HS1BP3: variants seen among roughly 807,000 people sequenced by gnomAD.
HS1BP3 encodes the protein HCLS1 binding protein 3, also known as HCLS1-binding protein 3.
Under a neutral mutation model 33.5 loss-of-function variants are expected in HS1BP3, and 32 were observed. That is an observed-to-expected ratio of 0.95 (90% CI 0.72 to 1.28). The LOEUF (loss-of-function observed/expected upper bound fraction) is 1.28. Ranked by LOEUF, HS1BP3 falls within the 50% of genes most tolerant of loss-of-function variation. The pLI, the probability that HS1BP3 is intolerant of heterozygous loss-of-function variation, is 0.00. For synonymous variants in HS1BP3, 187 were observed against 209.2 expected, an observed-to-expected ratio of 0.89 and a Z score of 0.92; for missense variants, 486 against 502.3, an observed-to-expected ratio of 0.97 and a Z score of 0.31.
At chr2:20,622,596 T>A (rs1278073575) in intron 6 of HS1BP3, 8 of 324,526 alleles carry the variant, frequency 2.5e-5, no homozygotes, top group Non-Finnish European at 5.0e-5. Context: ...CACCCCACTG[T>A]ACCACGTTCT....
intron 5 of HS1BP3, among the ~76,000 whole-genome samples, chr2:20,561,744 GGCACACT>G (rs1461979986): frequency 6.6e-6 from 1 of 152,116 alleles, no homozygotes; most frequent in Non-Finnish European, 1.5e-5. Flanking sequence ...CTTGGTTTCT[GGCACACT>G]GCTCCTTAAA....
chr2:20,624,964 C>G (rs538001286), intron 4 of HS1BP3, 72 bp from the exon 5 acceptor site: 2 of 1,554,954 alleles, frequency 1.3e-6, no homozygotes, highest in African/African-American at 2.7e-5. Context: ...CAGACCGACA[C>G]AGGCGCTGGG....
chr2:20,601,938 G>T (rs557579862), intron 2 of HS1BP3, among the ~76,000 whole-genome samples: 3 of 151,566 alleles, frequency 2.0e-5, no homozygotes, highest in Middle Eastern at 6.8e-3. Flanking sequence ...GGGCAGTTGG[G>T]AGTTATTGAA....
downstream of HS1BP3, among the ~76,000 whole-genome samples, chr2:20,559,512 AGATGGATGGGTG>A (rs1692927085): frequency 6.8e-6 from 1 of 147,666 alleles, no homozygotes; most frequent in African/African-American, 2.6e-5. Context: ...ATGGATGGGT[AGATGGATGGGTG>A]GATGGATGGA....
intron 1 of HS1BP3, among the ~76,000 whole-genome samples, chr2:20,646,859 C>T (rs754328381): frequency 6.6e-5 from 10 of 152,314 alleles, no homozygotes; most frequent in African/African-American, 1.4e-4. Flanking sequence ...TGCAACCCTG[C>T]GAAGGAGCTC....
At chr2:20,566,632 G>A (rs1809132) in intron 5 of HS1BP3, among the ~76,000 whole-genome samples, 100,713 of 149,512 alleles carry the variant, frequency 0.67, 38,955 homozygotes, top group East Asian at 0.9. Context: ...TTGAGATGGA[G>A]TTTTGCTCTT....
chr2:20,616,738 C>T (rs1047598975), downstream of HS1BP3, among the ~76,000 whole-genome samples: 1 of 152,066 alleles, frequency 6.6e-6, no homozygotes, highest in Non-Finnish European at 1.5e-5. Context: ...CTGGCTGAGT[C>T]CATTGTTTTA....
At chr2:20,589,483 C>T (rs17718518), downstream of HS1BP3, among the ~76,000 whole-genome samples, 7,561 of 152,234 alleles carry the variant, frequency 0.05, 180 homozygotes, top group South Asian at 0.071. Flanking sequence ...TAGAGGCTGC[C>T]GATGAAGAGA....
chr2:20,561,135 G>A (rs1454524439), intron 5 of HS1BP3, among the ~76,000 whole-genome samples: 1 of 152,150 alleles, frequency 6.6e-6, no homozygotes, highest in African/African-American at 2.4e-5. Flanking sequence ...CCTTTGCCTG[G>A]TGGTTTGCTT....
chr2:20,646,747 G>A (rs1435819027), intron 1 of HS1BP3, among the ~76,000 whole-genome samples: 1 of 152,238 alleles, frequency 6.6e-6, no homozygotes, highest in Non-Finnish European at 1.5e-5. Context: ...TGTCACCCAC[G>A]GTGTCACTGC....
rs78473886 is a variant in HS1BP3, at chr2:20,632,727, C to A, written c.623+5709G>T. ...TATCTCTCAAGGAACCAAGCAACCACTGAATCCCACTAAGGATTCAGGTAA... is the reference window on the plus strand; with the variant it reads ...TATCTCTCAAGGAACCAAGCAACCAATGAATCCCACTAAGGATTCAGGTAA... On this transcript the variant is annotated intron_variant, in intron 4 of 6. Coordinates refer to ENST00000304031, the MANE Select transcript of HS1BP3 (RefSeq NM_022460.4). Among the ~76,000 whole-genome samples the A allele has an allele frequency of 3.6e-3, 551 of 152,328 alleles. 6 individuals carry two copies. Among genetic ancestry groups the A allele is most frequent in the African/African-American group, 0.013 (539 of 41,572 alleles).
At chr2:20,601,933 G>T (rs1375484961) in intron 2 of HS1BP3, among the ~76,000 whole-genome samples, 3 of 151,704 alleles carry the variant, frequency 2.0e-5, no homozygotes, top group Non-Finnish European at 4.4e-5. Context: ...TATCAGGGCA[G>T]TTGGGAGTTA....
chr2:20,577,709 C>T (rs919705121), intron 5 of HS1BP3, among the ~76,000 whole-genome samples: 3 of 152,134 alleles, frequency 2.0e-5, no homozygotes, highest in African/African-American at 4.8e-5. Flanking sequence ...CAACTCAGGC[C>T]GGGTGCATGA....
At chr2:20,562,341 T>C (rs2149269676) in intron 5 of HS1BP3, among the ~76,000 whole-genome samples, 1 of 152,122 alleles carries the variant, frequency 6.6e-6, no homozygotes, top group Admixed American at 6.5e-5. Context: ...TAGCCAGCTG[T>C]GGTAGCATGT....
At chr2:20,616,059 T>C (rs1694417804), downstream of HS1BP3, among the ~76,000 whole-genome samples, 1 of 152,198 alleles carries the variant, frequency 6.6e-6, no homozygotes, top group Non-Finnish European at 1.5e-5. Context: ...ACCCCAGCCA[T>C]AGACAGTACA....
chr2:20,590,352 C>T (rs184963152), downstream of HS1BP3, among the ~76,000 whole-genome samples: 1 of 152,314 alleles, frequency 6.6e-6, no homozygotes, highest in East Asian at 1.9e-4. Flanking sequence ...TGTGGGGCAT[C>T]CTCTGTTTGT....
downstream of HS1BP3, among the ~76,000 whole-genome samples, chr2:20,615,891 T>C (rs143327557): frequency 7.9e-5 from 12 of 152,312 alleles, no homozygotes; most frequent in East Asian, 2.1e-3. Context: ...ATACATTGTA[T>C]GGACGTGGTC....
At chr2:20,624,070 C>G (rs1240942488) in intron 5 of HS1BP3, 39 bp from the exon 6 acceptor site, 5 of 1,602,696 alleles carry the variant, frequency 3.1e-6, no homozygotes, top group Non-Finnish European at 4.2e-6. Context: ...GAGGAAGCCT[C>G]TAGGCTGGGA....
chr2:20,634,209 C>G (rs1695052071), intron 4 of HS1BP3, among the ~76,000 whole-genome samples: 1 of 152,260 alleles, frequency 6.6e-6, no homozygotes, highest in Admixed American at 6.5e-5. Flanking sequence ...GTGGTGACGG[C>G]TGACCTGCCA....
Sources: allele counts gnomAD v4.1 joint callset (sites outside exome capture counted in the v4.1 genomes callset), GRCh38; gene constraint gnomAD v4.1.1; transcripts MANE v1.5; gene names NCBI Gene and HGNC (gene_info 2026-07-23, HGNC 2026-07-21).